The following ITGA9 variants were observed in gnomAD, a reference collection of about 807,000 sequenced individuals.
ITGA9 encodes the protein integrin subunit alpha 9, also known as integrin alpha-9.
In ITGA9, 56 loss-of-function variants were observed where a neutral mutation model predicts 127.8. The ratio of observed to expected loss-of-function variants is 0.44; its 90% CI spans 0.35 to 0.55. The LOEUF (loss-of-function observed/expected upper bound fraction) is 0.55. ITGA9 is among the 20% of genes least tolerant of loss of function. The probability of loss-of-function intolerance (pLI) is 0.00; values close to 1 mark genes in which losing one functional copy is unlikely to be tolerated. For synonymous variants in ITGA9, 508 were observed against 514.5 expected (o/e 0.99, Z 0.17); for missense variants, 1,196 against 1,347.1 (o/e 0.89, Z 1.76).
chr3:37,523,567 A>T lies in ITGA9; in HGVS notation c.1283A>T (p.Gln428Leu). ...AATCCAGTGCTCCGGATGTTTGGTC[A>T]GTCCATATCGGGAGGCATTGATATG... ...KINPVLRMFG[Q>L]SISGGIDMDG... is the part of the protein sequence containing the mutation. Residue 428 changes from glutamine (Q) to leucine (L), a missense_variant, in exon 12 of 28, where the codon CAG becomes CTG. Gln to Leu is a moderately radical substitution (Grantham distance 113, BLOSUM62 -2). Coordinates refer to ENST00000264741, the MANE Select transcript of ITGA9 (RefSeq NM_002207.3). 6.2e-7 allele frequency: 1 copy of T among 1,614,144 alleles called. No individual in the cohort carries two copies. Among genetic ancestry groups the T allele is most frequent in the Non-Finnish European group, 8.5e-7 (1 of 1,179,990 alleles).
At position 37,475,856 on chromosome 3, in the gene ITGA9, C is replaced by T. The variant is rs530974956; in HGVS notation, c.420+2396C>T. On this transcript the variant is annotated intron_variant, in intron 3 of 27. Transcript: ENST00000264741. Reference sequence around the variant, plus strand: ...CAAAACTTACATCCATTGAACAACACTCTCCTTTTTCTCCTTCCCGTGGTT... The same window carrying T: ...CAAAACTTACATCCATTGAACAACATTCTCCTTTTTCTCCTTCCCGTGGTT... Among the ~76,000 whole-genome samples the T allele has an allele frequency of 2.6e-5, 4 of 152,316 alleles. No homozygotes were observed. The South Asian group carries it at 8.3e-4, about 32-fold the overall frequency.
At chr3:37,593,788 G>A (rs1699843300) in intron 15 of ITGA9, among the ~76,000 whole-genome samples, 1 of 152,244 alleles carries the variant, frequency 6.6e-6, no homozygotes, top group African/African-American at 2.4e-5. Context: ...TAAGCTGCGG[G>A]GAAAGGGAAG....
intron 11 of ITGA9, among the ~76,000 whole-genome samples, chr3:37,522,716 C>G (rs1699056208): frequency 7.6e-6 from 1 of 130,882 alleles, no homozygotes; most frequent in East Asian, 2.5e-4. Flanking sequence ...GAGCAAGACT[C>G]TATCTCTTAA....
At chr3:37,782,579 T>G (rs1216475212) in intron 25 of ITGA9, among the ~76,000 whole-genome samples, 1 of 152,188 alleles carries the variant, frequency 6.6e-6, no homozygotes. Flanking sequence ...TAGAACAAAG[T>G]TGACCTGGAA....
chr3:37,500,269 G>A (rs1413680151), intron 5 of ITGA9, among the ~76,000 whole-genome samples: 7 of 152,240 alleles, frequency 4.6e-5, no homozygotes, highest in Admixed American at 2.0e-4. Context: ...TCCCAGTGGA[G>A]CGTCCTGACT....
chr3:37,506,557 G>A (rs1698845988), intron 7 of ITGA9, among the ~76,000 whole-genome samples: 6 of 152,276 alleles, frequency 3.9e-5, no homozygotes, highest in Admixed American at 3.3e-4. Flanking sequence ...GGGTTCCCAA[G>A]ACTGGTTCAG....
chr3:37,487,955 G>C (rs1244260632), intron 4 of ITGA9, among the ~76,000 whole-genome samples: 1 of 152,212 alleles, frequency 6.6e-6, no homozygotes, highest in South Asian at 2.1e-4. Flanking sequence ...AGTAGGTACA[G>C]AGGGCAGACG....
Position 37,605,738 on chromosome 3 carries a change from A to G in ITGA9, c.1690-23449A>G, listed in dbSNP as rs1047810855. On this transcript the variant is annotated intron_variant, in intron 15 of 27. Coordinates refer to ENST00000264741, the MANE Select transcript of ITGA9 (RefSeq NM_002207.3). ...TTGGGAAAACGACTCAGCTGCCCCT[A>G]TATAAGGAATATGTTATTACAGTCC... 2.0e-5 allele frequency among the ~76,000 whole-genome samples: 3 copies of G among 152,266 alleles called. No homozygotes were observed. The East Asian group carries it at 5.8e-4, about 29-fold the overall frequency.
In ITGA9 at chr3:37,640,561, C is replaced by T. The variant is rs547950253; in HGVS notation, c.1839+11225C>T. 3.3e-5 allele frequency among the ~76,000 whole-genome samples: 5 copies of T among 152,284 alleles called. No individual in the cohort carries two copies. In the South Asian group the frequency reaches 1.0e-3, roughly 32 times the overall value. On this transcript the variant is annotated intron_variant, in intron 16 of 27. Coordinates refer to ENST00000264741, the MANE Select transcript of ITGA9 (RefSeq NM_002207.3). Reference sequence around the variant, plus strand: ...GACACCTTGATTTCGGCCTGTAGAACCTGGAGCAGACCCAGACAACCCACC... The same window carrying T: ...GACACCTTGATTTCGGCCTGTAGAATCTGGAGCAGACCCAGACAACCCACC...
intron 27 of ITGA9, among the ~76,000 whole-genome samples, chr3:37,811,944 T>C (rs1200940970): frequency 2.0e-5 from 3 of 152,226 alleles, no homozygotes; most frequent in African/African-American, 4.8e-5. Context: ...TTGAGAGCAT[T>C]ACTTCTGACC....
At chr3:37,605,240 C>T (rs773767364) in intron 15 of ITGA9, among the ~76,000 whole-genome samples, 5 of 151,806 alleles carry the variant, frequency 3.3e-5, no homozygotes, top group East Asian at 1.9e-4. Context: ...GGAGGATGAG[C>T]GGGGAGAGTG....
chr3:37,771,509 G>A (rs1045742306), intron 23 of ITGA9, among the ~76,000 whole-genome samples: 3 of 152,182 alleles, frequency 2.0e-5, no homozygotes, highest in Non-Finnish European at 4.4e-5. Context: ...AAACTGGCAC[G>A]GCTGTTAGCA....
intron 1 of ITGA9, among the ~76,000 whole-genome samples, chr3:37,454,134 C>T (rs1022609249): frequency 2.6e-5 from 4 of 152,162 alleles, no homozygotes; most frequent in South Asian, 2.1e-4. Flanking sequence ...TGAGAAAGGG[C>T]GGGCAGCTGA....
At chr3:37,813,364 T>C (rs1270617615) in intron 27 of ITGA9, among the ~76,000 whole-genome samples, 1 of 152,220 alleles carries the variant, frequency 6.6e-6, no homozygotes, top group East Asian at 1.9e-4. Context: ...TCACTATCTT[T>C]AGTTTAGTGT....
intron 25 of ITGA9, among the ~76,000 whole-genome samples, chr3:37,783,601 T>C (rs1464148240): frequency 6.6e-6 from 1 of 152,160 alleles, no homozygotes. Context: ...TCTCTCAAAG[T>C]GCTGGGATTA....
At chr3:37,554,691 G>T (rs1419401692) in intron 15 of ITGA9, among the ~76,000 whole-genome samples, 2 of 152,064 alleles carry the variant, frequency 1.3e-5, no homozygotes, top group Non-Finnish European at 2.9e-5. Context: ...TTTGAAGGGG[G>T]ATCCTACAGC....
Position 37,777,472 on chromosome 3 carries a change from C to T in ITGA9, c.2622C>T (p.Phe874=). 2 of 1,614,052 alleles carry T rather than the reference C, an allele frequency of 1.2e-6. No individual in the cohort carries two copies. The highest frequency in any genetic ancestry group is 1.1e-5 in the South Asian group (1 of 91,082). The change falls in exon 24 of 28, where the codon TTC becomes TTT. Residue 874 remains phenylalanine, a synonymous_variant. Coordinates refer to ENST00000264741, the MANE Select transcript of ITGA9 (RefSeq NM_002207.3). ...TCCCTCAAGAACAAGAAAATATCTT[C>T]CACACAATATTTGCTTTTTTCACAA... ...CIIPQEQENI[F]HTIFAFFTKS...
chr3:37,499,362 T>C (rs1698765591), intron 5 of ITGA9, among the ~76,000 whole-genome samples: 2 of 152,218 alleles, frequency 1.3e-5, no homozygotes, highest in African/African-American at 4.8e-5. Context: ...AGAGGAAATA[T>C]ATGGCTTCTC....
intron 16 of ITGA9, among the ~76,000 whole-genome samples, chr3:37,640,532 A>C (rs1700322158): frequency 6.6e-6 from 1 of 152,218 alleles, no homozygotes; most frequent in South Asian, 2.1e-4. Context: ...CGTCCAGACC[A>C]GCTGACACCT....
Sources: allele counts gnomAD v4.1 joint callset (sites outside exome capture counted in the v4.1 genomes callset), GRCh38; gene constraint gnomAD v4.1.1; transcripts MANE v1.5; gene names NCBI Gene and HGNC (gene_info 2026-07-23, HGNC 2026-07-21).